The following CTIF variants were observed in gnomAD, a reference collection of about 807,000 sequenced individuals.
CTIF encodes CBP80/20-dependent translation initiation factor.
In CTIF, 21 loss-of-function variants were observed where a neutral mutation model predicts 66.0. The ratio of observed to expected loss-of-function variants is 0.32; its 90% CI spans 0.23 to 0.46. CTIF has a LOEUF of 0.46. Among genes scored for constraint, CTIF ranks in the 20% least tolerant of loss-of-function variants. The probability of loss-of-function intolerance (pLI) is 1.00; values close to 1 mark genes in which losing one functional copy is unlikely to be tolerated. For missense variants in CTIF, 739 were observed against 812.7 expected, an observed-to-expected ratio of 0.91 and a Z score of 1.10; for synonymous variants, 345 against 326.4, an observed-to-expected ratio of 1.06 and a Z score of -0.62.
chr18:48,663,685 T>C (rs1384301812), intron 3 of CTIF, 67 bp from the exon 4 acceptor site: 31 of 1,460,218 alleles, frequency 2.1e-5, no homozygotes, highest in Admixed American at 3.3e-5. Flanking sequence ...CCTCAGGCCC[T>C]GGCCCCGTGT....
intron 7 of CTIF, among the ~76,000 whole-genome samples, chr18:48,715,888 T>C (rs1037670808): frequency 1.3e-5 from 2 of 152,194 alleles, no homozygotes; most frequent in African/African-American, 4.8e-5. Flanking sequence ...GTTCTGAAGT[T>C]GGGCTGACTC....
intron 10 of CTIF, among the ~76,000 whole-genome samples, chr18:48,853,342 C>T (rs2069251535): frequency 6.6e-6 from 1 of 152,084 alleles, no homozygotes; most frequent in Non-Finnish European, 1.5e-5. Context: ...GGGCAGAGCC[C>T]TGCATAGGAT....
At chr18:48,838,887 T>A (rs2068872686) in intron 10 of CTIF, among the ~76,000 whole-genome samples, 1 of 152,114 alleles carries the variant, frequency 6.6e-6, no homozygotes, top group Non-Finnish European at 1.5e-5. Context: ...CCCAGGCACA[T>A]CTCCCTGACA....
chr18:48,840,388 G>GCACA (rs1568260716), intron 10 of CTIF, among the ~76,000 whole-genome samples: 2 of 152,156 alleles, frequency 1.3e-5, no homozygotes, highest in Non-Finnish European at 2.9e-5. Context: ...CAGTGAGAAT[G>GCACA]CACAGGTGAT....
chr18:48,719,122 C>T (rs1398328356), intron 7 of CTIF, among the ~76,000 whole-genome samples: 1 of 152,152 alleles, frequency 6.6e-6, no homozygotes, highest in Non-Finnish European at 1.5e-5. Flanking sequence ...AAATATGCTT[C>T]TAGAATTGTC....
In CTIF at chr18:48,790,718, G is replaced by T. The variant is rs146346670; in HGVS notation, c.1372-26503G>T. On this transcript the variant is annotated intron_variant, in intron 9 of 11. Transcript: ENST00000256413. Reference sequence around the variant, plus strand: ...CACAGGCCAGGGATTTCAGAGGAACGCGGCCAAGTCTAGCTCTGAAGTTCC... The same window carrying T: ...CACAGGCCAGGGATTTCAGAGGAACTCGGCCAAGTCTAGCTCTGAAGTTCC... Among the ~76,000 whole-genome samples, 576 of 152,314 alleles carry T rather than the reference G, an allele frequency of 3.8e-3. 5 individuals carry two copies. The highest frequency in any genetic ancestry group is 0.013 in the African/African-American group (554 of 41,574).
rs973790258 is a variant in CTIF, at chr18:48,729,632, G to T, written c.584+17937G>T. Among the ~76,000 whole-genome samples the T allele has an allele frequency of 2.6e-5, 4 of 152,180 alleles. No individual in the cohort carries two copies. In the South Asian group the frequency reaches 6.2e-4, roughly 24 times the overall value. On this transcript the variant is annotated intron_variant, in intron 7 of 11. Coordinates refer to ENST00000256413, the MANE Select transcript of CTIF (RefSeq NM_014772.3). ...TGAGGCTGGTCCCAGACATCCAGACGTCTGGATTCTTTTCCACAGGGTTCT... is the reference window on the plus strand; with the variant it reads ...TGAGGCTGGTCCCAGACATCCAGACTTCTGGATTCTTTTCCACAGGGTTCT...
At chr18:48,766,885 C>T (rs1555688894) in intron 9 of CTIF, among the ~76,000 whole-genome samples, 7 of 152,346 alleles carry the variant, frequency 4.6e-5, no homozygotes, top group South Asian at 2.1e-4. Flanking sequence ...TCTTCTCTCC[C>T]GCTGCCTCCA....
At chr18:48,560,833 A>G (rs972126902) in intron 1 of CTIF, among the ~76,000 whole-genome samples, 4 of 152,144 alleles carry the variant, frequency 2.6e-5, no homozygotes, top group African/African-American at 9.7e-5. Context: ...TTGGCCTCCC[A>G]AAGTGCTGGG....
chr18:48,790,608 G>A (rs1430667511), intron 9 of CTIF, among the ~76,000 whole-genome samples: 2 of 152,252 alleles, frequency 1.3e-5, no homozygotes, highest in Non-Finnish European at 2.9e-5. Flanking sequence ...GAGCTGGACG[G>A]GCGGCCTCAA....
chr18:48,682,968 G>A (rs72909772), intron 6 of CTIF: 6,992 of 152,414 alleles, frequency 0.046, 238 homozygotes, highest in Middle Eastern at 0.085. Context: ...TGGATGGGGC[G>A]AAGCCCTGGG....
rs58084631 is a variant in CTIF at position 48,568,633 on chromosome 18, TAA to T, written c.-29+29355_-29+29356del. Among the ~76,000 whole-genome samples the T allele has an allele frequency of 3.1e-3, 115 of 36,618 alleles. 1 individual carries two copies. The highest frequency in any genetic ancestry group is 0.062 in the Middle Eastern group (1 of 16). The allele number at this position is 36,618 out of a possible 152,430, so 24.0% of individuals were successfully genotyped here. On this transcript the variant is annotated intron_variant, in intron 1 of 11. Transcript: ENST00000256413. ...GAAATACCTGAGACTGGGCAATTTG[TAA>T]AAAAAAAAAAAAAAAAAAAAAAAAA...
chr18:48,831,923 G>A (rs2068700552), intron 10 of CTIF, among the ~76,000 whole-genome samples: 1 of 152,200 alleles, frequency 6.6e-6, no homozygotes, highest in African/African-American at 2.4e-5. Flanking sequence ...AAGACCACAT[G>A]TGGCCTGTGG....
chr18:48,835,073 G>T (rs2068779908), intron 10 of CTIF, among the ~76,000 whole-genome samples: 1 of 152,228 alleles, frequency 6.6e-6, no homozygotes, highest in Non-Finnish European at 1.5e-5. Flanking sequence ...CATGTTCGTG[G>T]TACTGCCTGG....
At chr18:48,668,349 C>T (rs971655379) in intron 5 of CTIF, among the ~76,000 whole-genome samples, 2 of 152,208 alleles carry the variant, frequency 1.3e-5, no homozygotes, top group African/African-American at 4.8e-5. Flanking sequence ...TGCCCTCCTC[C>T]CCTATGGCCC....
rs140675377 is a variant in CTIF, at chr18:48,587,736, T to C, written c.-28-31802T>C. On this transcript the variant is annotated intron_variant, in intron 1 of 11. Transcript: ENST00000256413. The stretch of plus-strand genomic sequence containing the variant: ...TTCGAGTTTTAGCTGTATTTTTCTT[T>C]TTTCCCCCAAAAGATTATGACACCT... Among the ~76,000 whole-genome samples, 8 of 152,344 alleles carry C rather than the reference T, an allele frequency of 5.3e-5. No individual in the cohort carries two copies. The East Asian group carries it at 1.5e-3, about 29-fold the overall frequency.
chr18:48,599,430 C>A (rs1241001872), intron 1 of CTIF, among the ~76,000 whole-genome samples: 4 of 152,050 alleles, frequency 2.6e-5, no homozygotes. Context: ...CCTAATACCA[C>A]CTCTGAAAGA....
chr18:48,683,717 C>T (rs2091786992), intron 6 of CTIF, among the ~76,000 whole-genome samples: 1 of 152,174 alleles, frequency 6.6e-6, no homozygotes. Flanking sequence ...TTTCATTACT[C>T]CTGGGGACTT....
At chr18:48,756,992 G>T (rs987017242) in intron 7 of CTIF, among the ~76,000 whole-genome samples, 2 of 152,126 alleles carry the variant, frequency 1.3e-5, no homozygotes, top group South Asian at 2.1e-4. Flanking sequence ...TGACACTTCT[G>T]GAGGCTGGAA....
Sources: allele counts gnomAD v4.1 joint callset (sites outside exome capture counted in the v4.1 genomes callset), GRCh38; gene constraint gnomAD v4.1.1; transcripts MANE v1.5; gene names NCBI Gene and HGNC (gene_info 2026-07-23, HGNC 2026-07-21).